Variants in SOCS3 observed in about 807,000 individuals in gnomAD.
SOCS3 encodes STAT-induced STAT inhibitor 3.
In SOCS3, 5 loss-of-function variants were observed where a neutral mutation model predicts 11.7. The observed-to-expected ratio is 0.43, with a 90% CI of 0.22 to 0.90. The LOEUF (loss-of-function observed/expected upper bound fraction) is 0.90, where lower values mean the gene tolerates loss of function less well. SOCS3 is among the 40% of genes least tolerant of loss of function. SOCS3 has a pLI of 0.27. For synonymous variants in SOCS3, 143 were observed against 136.3 expected (o/e 1.05, Z -0.34); for missense variants, 203 against 302.0 (o/e 0.67, Z 2.43).
intron 1 of SOCS3, 25 bp from the exon 2 acceptor site, chr17:78,359,208 G>A: frequency 1.7e-6 from 2 of 1,195,748 alleles, no homozygotes; most frequent in South Asian, 3.1e-5. Context: ...GCGCGAGCGC[G>A]TTGAGTGCCC....
chr17:78,360,457 C>G (rs1448860369), upstream of SOCS3: 1 of 148,330 alleles, frequency 6.7e-6, no homozygotes, highest in Admixed American at 6.7e-5. This position sits in a 1 kb window ranked among gnomAD's most constrained non-coding sequence, Gnocchi z 5.6. Flanking sequence ...GGGGGCGCCG[C>G]TTCGGGAGAG....
rs1375413832 is a variant in SOCS3 at position 78,359,039 on chromosome 17, G to C, written c.57C>G (p.Ser19Arg). The C allele has an allele frequency of 6.4e-7, 1 of 1,574,114 alleles. No individual in the cohort carries two copies. Among genetic ancestry groups the C allele is most frequent in the Non-Finnish European group, 8.6e-7 (1 of 1,159,438 alleles). ...AAGMSRPLDT[S>R]LRLKTFSSKS... ...TGGAGCTGAAGGTCTTGAGGCGCAGGCTGGTGTCCAGGGGGCGGCTCATCC... is the reference window on the plus strand; with the variant it reads ...TGGAGCTGAAGGTCTTGAGGCGCAGCCTGGTGTCCAGGGGGCGGCTCATCC... The change falls in exon 2 of 2, where the codon AGC becomes AGG. Residue 19 changes from serine (S) to arginine (R), a missense_variant. Around this residue, in one of 3 missense-constraint regions of SOCS3, gnomAD observed 57 missense variants for 74.2 expected, o/e 0.77. Coordinates refer to ENST00000330871, the MANE Select transcript of SOCS3 (RefSeq NM_003955.5).
At position 78,357,503 on chromosome 17, in the gene SOCS3, T is replaced by A. The variant is rs532508680; in HGVS notation, c.*915A>T. The A allele has an allele frequency of 6.6e-6, 1 of 152,260 alleles. No homozygotes were observed. Among genetic ancestry groups the A allele is most frequent in the Non-Finnish European group, 1.5e-5 (1 of 68,058 alleles). 9.4% of individuals were successfully genotyped at this position (152,260 alleles called of 1,614,324 possible). A position where few individuals can be genotyped will look rare whatever the true frequency, so the allele number is the denominator to read the frequency against. On this transcript the variant is annotated 3_prime_UTR_variant, in exon 2 of 2. Coordinates refer to ENST00000330871, the MANE Select transcript of SOCS3 (RefSeq NM_003955.5). This position sits in a 1 kb window ranked among gnomAD's most constrained non-coding sequence, Gnocchi z 7.0. ...CCAGGCTGAGTATGTGGCTTTCCTA[T>A]GCTGGGTCCCTCTCCATGGGACAGG...
chr17:78,357,590 T>G lies in SOCS3; in HGVS notation c.*828A>C, dbSNP rs1020455416. ...AGGAGGCACAGAGTAGAATCCCCTG[T>G]CTTCTCTACCAGGAGCCTGAGGTGA... On this transcript the variant is annotated 3_prime_UTR_variant, in exon 2 of 2. Transcript: ENST00000330871. This position sits in a 1 kb window ranked among gnomAD's most constrained non-coding sequence, Gnocchi z 7.0. 2.6e-5 allele frequency: 4 copies of G among 152,264 alleles called. No individual in the cohort carries two copies. The highest frequency in any genetic ancestry group is 9.7e-5 in the African/African-American group (4 of 41,422). 9.4% of individuals were successfully genotyped at this position (152,264 alleles called of 1,614,324 possible).
Position 78,356,984 on chromosome 17 carries a change from AT to A in SOCS3, c.*1433del, listed in dbSNP as rs2081572233. Reference sequence around the variant, plus strand: ...ATAAAAGACAGAGTGATTGAGGCAGATTGTAAACATTATTAAAAAACAAGAA... The same window carrying A: ...ATAAAAGACAGAGTGATTGAGGCAGATGTAAACATTATTAAAAAACAAGAA... On this transcript the variant is annotated 3_prime_UTR_variant, in exon 2 of 2. Coordinates refer to ENST00000330871, the MANE Select transcript of SOCS3 (RefSeq NM_003955.5). The surrounding 1 kb of genome is among the most constrained non-coding windows in gnomAD (Gnocchi z 6.1). 6.6e-6 allele frequency: 1 copy of A among 152,488 alleles called. No individual in the cohort carries two copies. Among genetic ancestry groups the A allele is most frequent in the African/African-American group, 2.4e-5 (1 of 41,374 alleles). 9.4% of individuals were successfully genotyped at this position (152,488 alleles called of 1,614,324 possible).
Position 78,359,849 on chromosome 17 carries a change from A to G in SOCS3, c.-188T>C, listed in dbSNP as rs1324073797. The G allele has an allele frequency of 6.4e-6, 1 of 155,066 alleles. No individual in the cohort carries two copies. The highest frequency in any genetic ancestry group is 1.4e-5 in the Non-Finnish European group (1 of 70,022). The allele number at this position is 155,066 out of a possible 1,614,324, so 9.6% of individuals were successfully genotyped here. On this transcript the variant is annotated 5_prime_UTR_variant, in exon 1 of 2. Coordinates refer to ENST00000330871, the MANE Select transcript of SOCS3 (RefSeq NM_003955.5). ...GCCAGCGGTGGCCCGCGCTGCGCCC[A>G]GATGTTGGCGGCCGTGAAGTCCACA...
Position 78,359,909 on chromosome 17 carries a change from C to G in SOCS3, c.-248G>C. On this transcript the variant is annotated 5_prime_UTR_variant, in exon 1 of 2. Transcript: ENST00000330871. Reference sequence around the variant, plus strand: ...TCGCGCGCGCGTCCCTCGAGCTTCCCCTGGGCGCCCGCCCTGCCCCCTGCG... The same window carrying G: ...TCGCGCGCGCGTCCCTCGAGCTTCCGCTGGGCGCCCGCCCTGCCCCCTGCG... The G allele has an allele frequency of 6.1e-6, 1 of 165,024 alleles. No homozygotes were observed. Among genetic ancestry groups the G allele is most frequent in the African/African-American group, 2.4e-5 (1 of 41,642 alleles). The allele number at this position is 165,024 out of a possible 1,614,324, so 10.2% of individuals were successfully genotyped here.
chr17:78,357,517 C>A lies in SOCS3; in HGVS notation c.*901G>T, dbSNP rs1249215022. 6.6e-6 allele frequency: 1 copy of A among 152,214 alleles called. No homozygotes were observed. Among genetic ancestry groups the A allele is most frequent in the African/African-American group, 2.4e-5 (1 of 41,416 alleles). The allele number at this position is 152,214 out of a possible 1,614,324, so 9.4% of individuals were successfully genotyped here. ...TGGCTTTCCTATGCTGGGTCCCTCT[C>A]CATGGGACAGGGAGCATTTAAGGCG... On this transcript the variant is annotated 3_prime_UTR_variant, in exon 2 of 2. Transcript: ENST00000330871. The surrounding 1 kb of genome is among the most constrained non-coding windows in gnomAD (Gnocchi z 7.0).
At chr17:78,359,416 G>C (rs747900100) in intron 1 of SOCS3, among the ~76,000 whole-genome samples, 46 of 152,166 alleles carry the variant, frequency 3.0e-4, no homozygotes, top group Non-Finnish European at 5.1e-4. Context: ...GGCGCAGCGT[G>C]GGAAACTCGC....
In SOCS3 at chr17:78,357,558, C is replaced by CATAG. The variant is rs2081577053; in HGVS notation, c.*856_*859dup. ...ATTTAAGGCGAATCTCTTAGCCAGA[C>CATAG]ATAGTCAGGAGGCACAGAGTAGAAT... On this transcript the variant is annotated 3_prime_UTR_variant, in exon 2 of 2. Coordinates refer to ENST00000330871, the MANE Select transcript of SOCS3 (RefSeq NM_003955.5). The surrounding 1 kb of genome is among the most constrained non-coding windows in gnomAD (Gnocchi z 7.0). The CATAG allele has an allele frequency of 6.6e-6, 1 of 152,242 alleles. No individual in the cohort carries two copies. Among genetic ancestry groups the CATAG allele is most frequent in the Non-Finnish European group, 1.5e-5 (1 of 68,076 alleles). The allele number at this position is 152,242 out of a possible 1,614,324, so 9.4% of individuals were successfully genotyped here. A position where few individuals can be genotyped will look rare whatever the true frequency, so the allele number is the denominator to read the frequency against.
intron 1 of SOCS3, 90 bp from the exon 2 acceptor site, chr17:78,359,273 T>C (rs1457655134): frequency 1.9e-5 from 11 of 575,596 alleles, no homozygotes; most frequent in Non-Finnish European, 1.9e-5. Flanking sequence ...GCCGAGCGAC[T>C]GGGGCACCCA....
rs1333131759 is a variant in SOCS3, at chr17:78,358,943, C to T, written c.153G>A (p.Val51=). ...LQESGFYWSA[V]TGGEANLLLS... is the part of the protein sequence containing the mutation. ...GCAGCAGGTTCGCCTCGCCGCCGGT[C>T]ACTGCGCTCCAGTAGAAGCCGCTCT... is the stretch of plus-strand genomic sequence containing the variant. The change falls in exon 2 of 2, where the codon GTG becomes GTA. Residue 51 remains valine, a synonymous_variant. Coordinates refer to ENST00000330871, the MANE Select transcript of SOCS3 (RefSeq NM_003955.5). The surrounding 1 kb of genome is among the most constrained non-coding windows in gnomAD (Gnocchi z 4.7). The T allele has an allele frequency of 2.5e-6, 4 of 1,587,968 alleles. No homozygotes were observed. The highest frequency in any genetic ancestry group is 3.4e-6 in the Non-Finnish European group (4 of 1,168,312).
upstream of SOCS3, chr17:78,360,308 G>T (rs939429432): frequency 6.6e-6 from 1 of 150,816 alleles, no homozygotes; most frequent in African/African-American, 2.4e-5. The surrounding 1 kb of genome is among the most constrained non-coding windows in gnomAD (Gnocchi z 5.6). Flanking sequence ...CGGCCGAGGC[G>T]GCCGGTGGGC....
At chr17:78,360,489 C>T (rs1189110821), upstream of SOCS3, 1 of 151,546 alleles carries the variant, frequency 6.6e-6, no homozygotes, top group East Asian at 2.0e-4. The surrounding 1 kb of genome is among the most constrained non-coding windows in gnomAD (Gnocchi z 5.6). Context: ...AGGAGGCCGA[C>T]CTGGAGAGCC....
rs1425238834 is a variant in SOCS3, at chr17:78,358,262, G to T, written c.*156C>A. On this transcript the variant is annotated 3_prime_UTR_variant, in exon 2 of 2. Coordinates refer to ENST00000330871, the MANE Select transcript of SOCS3 (RefSeq NM_003955.5). This position sits in a 1 kb window ranked among gnomAD's most constrained non-coding sequence, Gnocchi z 4.7. ...ATTCCAGGTCCGCCTGCCACATTCT[G>T]CAGGGAGAGGGCAGAGGGAGGGGCC... 1.5e-6 allele frequency: 1 copy of T among 682,084 alleles called. No individual in the cohort carries two copies. Among genetic ancestry groups the T allele is most frequent in the Non-Finnish European group, 2.5e-6 (1 of 404,754 alleles). 42.3% of individuals were successfully genotyped at this position (682,084 alleles called of 1,614,324 possible). A position where few individuals can be genotyped will look rare whatever the true frequency, so the allele number is the denominator to read the frequency against.
chr17:78,358,557 C>T lies in SOCS3; in HGVS notation c.539G>A (p.Arg180Gln). The T allele has an allele frequency of 6.2e-7, 1 of 1,613,346 alleles. No individual in the cohort carries two copies. Among genetic ancestry groups the T allele is most frequent in the Non-Finnish European group, 8.5e-7 (1 of 1,179,934 alleles). ...GGEKIPLVLSRPLSSNVATLQ... is the reference protein window; with the variant it reads ...GGEKIPLVLSQPLSSNVATLQ... ...AGTGGCCACGTTGGAGGAGAGGGGC[C>T]GGCTCAACACCAGGGGGATCTTCTC... The change falls in exon 2 of 2, where the codon CGG becomes CAG. Residue 180 changes from arginine to glutamine, a missense_variant. Arg to Gln is a conservative substitution (Grantham distance 43). Around this residue, in one of 3 missense-constraint regions of SOCS3, gnomAD observed 141 missense variants for 200.5 expected, o/e 0.70. Coordinates refer to ENST00000330871, the MANE Select transcript of SOCS3 (RefSeq NM_003955.5). This position sits in a 1 kb window ranked among gnomAD's most constrained non-coding sequence, Gnocchi z 4.7.
rs1285085753 is a variant in SOCS3, at chr17:78,358,948, C to A, written c.148G>T (p.Ala50Ser). 1.3e-6 allele frequency: 2 copies of A among 1,587,164 alleles called. No homozygotes were observed. The highest frequency in any genetic ancestry group is 2.3e-5 in the South Asian group (2 of 87,838). ...AGGTTCGCCTCGCCGCCGGTCACTG[C>A]GCTCCAGTAGAAGCCGCTCTCCTGC... is the stretch of plus-strand genomic sequence containing the variant. ...KLQESGFYWSAVTGGEANLLL... is the reference protein window; with the variant it reads ...KLQESGFYWSSVTGGEANLLL... The change falls in exon 2 of 2, where the codon GCA (alanine) becomes TCA (serine). Residue 50 changes from alanine (A) to serine (S), a missense_variant. Ala to Ser is a moderately conservative substitution (Grantham distance 99). This residue lies in a region of SOCS3 where 57 missense variants were observed against 74.2 expected (regional missense o/e 0.77). Transcript: ENST00000330871. The surrounding 1 kb of genome is among the most constrained non-coding windows in gnomAD (Gnocchi z 4.7).
upstream of SOCS3, among the ~76,000 whole-genome samples, chr17:78,360,282 A>G (rs2081602252): frequency 6.6e-6 from 1 of 150,478 alleles, no homozygotes; most frequent in African/African-American, 2.4e-5. This position sits in a 1 kb window ranked among gnomAD's most constrained non-coding sequence, Gnocchi z 5.6. Context: ...GCGCGGAGAC[A>G]AAGCGCGACG....
In SOCS3 at chr17:78,359,142, T is replaced by G. The variant is rs751074198; in HGVS notation, c.-47A>C. On this transcript the variant is annotated 5_prime_UTR_variant, in exon 2 of 2. Coordinates refer to ENST00000330871, the MANE Select transcript of SOCS3 (RefSeq NM_003955.5). ...TCTGCGCGGCGGCGGCTGCAGCTGC[T>G]TCGCGGCCTCCGCACAGCGGCCGCT... 2.6e-6 allele frequency: 4 copies of G among 1,510,868 alleles called. No individual in the cohort carries two copies. The South Asian group carries it at 4.9e-5, about 18-fold the overall frequency. 93.6% of individuals were successfully genotyped at this position (1,510,868 alleles called of 1,614,324 possible). A position where few individuals can be genotyped will look rare whatever the true frequency, so the allele number is the denominator to read the frequency against.
Sources: allele counts gnomAD v4.1 joint callset (sites outside exome capture counted in the v4.1 genomes callset), GRCh38; gene constraint gnomAD v4.1.1; regional missense constraint gnomAD v4.1.1; non-coding constraint Gnocchi (gnomAD v3.1); transcripts MANE v1.5; gene names NCBI Gene and HGNC (gene_info 2026-07-23, HGNC 2026-07-21).